Variants in CPM observed in about 807,000 individuals in gnomAD.
CPM encodes carboxypeptidase M.
CPM carries 35 observed loss-of-function variants against 46.4 expected under a neutral mutation model. That is an observed-to-expected ratio of 0.75 (90% CI 0.58 to 1.00). The LOEUF is 1.00. Among genes scored for constraint, CPM ranks in the 50% least tolerant of loss-of-function variants. The pLI is 0.00. For synonymous variants in CPM, 195 were observed against 195.3 expected (o/e 1.00, Z 0.01); for missense variants, 422 against 530.4 (o/e 0.80, Z 2.01).
chr12:68,903,519 A>T (rs970686124), intron 2 of CPM, among the ~76,000 whole-genome samples: 4 of 152,216 alleles, frequency 2.6e-5, no homozygotes, highest in African/African-American at 9.7e-5. Flanking sequence ...ATCAGCTCCT[A>T]CCTTAAAATG....
intron 1 of CPM, among the ~76,000 whole-genome samples, chr12:68,950,973 A>G (rs1287167316): frequency 6.6e-6 from 1 of 152,214 alleles, no homozygotes; most frequent in African/African-American, 2.4e-5. Context: ...TAGAGCTTTT[A>G]ATGATCTCCC....
At chr12:68,882,581 T>C (rs897990143) in intron 3 of CPM, among the ~76,000 whole-genome samples, 3 of 152,180 alleles carry the variant, frequency 2.0e-5, no homozygotes, top group East Asian at 1.9e-4. Context: ...TGGGTATATA[T>C]TGGGATTGCT....
At chr12:68,897,518 A>C (rs1886924400) in intron 2 of CPM, among the ~76,000 whole-genome samples, 1 of 152,130 alleles carries the variant, frequency 6.6e-6, no homozygotes, top group African/African-American at 2.4e-5. Flanking sequence ...TGGGCAGATC[A>C]CAAGGTCAGG....
In CPM at chr12:68,862,300, G is replaced by T. The variant is rs1221402941; in HGVS notation, c.941-3229C>A. 5.8e-5 allele frequency among the ~76,000 whole-genome samples: 8 copies of T among 138,798 alleles called. No individual in the cohort carries two copies. The South Asian group carries it at 1.6e-3, about 27-fold the overall frequency. The allele number at this position is 138,798 out of a possible 152,430, so 91.1% of individuals were successfully genotyped here. ...CCCAGGCTGGAGTGCAGTGGCACCAGTTCGGCTCACTGCAACTTTCATCTC... is the reference window on the plus strand; with the variant it reads ...CCCAGGCTGGAGTGCAGTGGCACCATTTCGGCTCACTGCAACTTTCATCTC... On this transcript the variant is annotated intron_variant, in intron 7 of 8. Transcript: ENST00000551568.
At chr12:68,937,365 A>G (rs1888688733), upstream of CPM, among the ~76,000 whole-genome samples, 2 of 152,156 alleles carry the variant, frequency 1.3e-5, no homozygotes, top group African/African-American at 4.8e-5. Context: ...ATCTTGAGAC[A>G]TTTTTGATTG....
rs1445983477 is a variant in CPM, at chr12:68,922,120, ACT to A, written c.160+10556_160+10557del. On this transcript the variant is annotated intron_variant, in intron 2 of 8. Coordinates refer to ENST00000551568, the MANE Select transcript of CPM (RefSeq NM_198320.5). ...AGAAGAGGTGTGGAAGGAGATTCTG[ACT>A]CTGCCCAGGGAATAGAAAAAGGCTT... Among the ~76,000 whole-genome samples the A allele has an allele frequency of 1.2e-4, 18 of 152,246 alleles. No individual in the cohort carries two copies. In the South Asian group the frequency reaches 3.5e-3, roughly 30 times the overall value.
chr12:68,849,721 G>T (rs1884573494), downstream of CPM: 1 of 149,170 alleles, frequency 6.7e-6, no homozygotes, highest in Non-Finnish European at 1.5e-5. Context: ...CTCGTGATCT[G>T]CCTGCCTCGG....
chr12:68,942,562 T>G (rs576487699), intron 1 of CPM, among the ~76,000 whole-genome samples: 3 of 152,354 alleles, frequency 2.0e-5, no homozygotes, highest in Admixed American at 6.5e-5. Flanking sequence ...ATTCATTTCC[T>G]TATCAATTAT....
intron 2 of CPM, among the ~76,000 whole-genome samples, chr12:68,909,827 G>A (rs575658550): frequency 5.5e-5 from 8 of 144,722 alleles, no homozygotes; most frequent in South Asian, 2.3e-4. Context: ...ACACACTGGG[G>A]CCTGTTGGGG....
At chr12:68,961,936 C>T (rs1407202586) in intron 1 of CPM, among the ~76,000 whole-genome samples, 2 of 151,952 alleles carry the variant, frequency 1.3e-5, no homozygotes, top group African/African-American at 2.4e-5. Flanking sequence ...CGTGGTGGCT[C>T]ATGTCTGTAA....
chr12:68,886,985 T>A (rs1225735844), intron 2 of CPM, among the ~76,000 whole-genome samples: 2 of 152,092 alleles, frequency 1.3e-5, no homozygotes, highest in African/African-American at 4.8e-5. Context: ...AAAAAACTGA[T>A]CTTCAAAAAT....
In CPM at chr12:68,854,761, T is replaced by A. The variant is rs2136210449; in HGVS notation, c.*1676A>T. 1 of 152,500 alleles carries A rather than the reference T, an allele frequency of 6.6e-6. No homozygotes were observed. The highest frequency in any genetic ancestry group is 1.9e-4 in the East Asian group (1 of 5,194). The allele number at this position is 152,500 out of a possible 1,614,324, so 9.4% of individuals were successfully genotyped here. On this transcript the variant is annotated 3_prime_UTR_variant, in exon 9 of 9. Transcript: ENST00000551568. ...GAGAAGGCTGGGAGCAAGGGACCAG[T>A]AAGCTGTTGCAGCAGTGCAGGTGAG...
intron 7 of CPM, among the ~76,000 whole-genome samples, chr12:68,863,069 G>A (rs993324876): frequency 1.3e-5 from 2 of 152,130 alleles, no homozygotes; most frequent in Non-Finnish European, 2.9e-5. Flanking sequence ...ATTTAGAGTC[G>A]GAGCTGGGAC....
chr12:68,859,759 T>G (rs1885128897), intron 7 of CPM, among the ~76,000 whole-genome samples: 1 of 152,208 alleles, frequency 6.6e-6, no homozygotes. Flanking sequence ...GCCAACGAAG[T>G]GGCCCAGCCT....
At chr12:68,886,460 G>A (rs561544057) in intron 2 of CPM, among the ~76,000 whole-genome samples, 1 of 152,016 alleles carries the variant, frequency 6.6e-6, no homozygotes, top group African/African-American at 2.4e-5. Flanking sequence ...GTGAAATCCC[G>A]TCTCTACTAA....
At chr12:68,881,189 A>G (rs367566123) in intron 3 of CPM, among the ~76,000 whole-genome samples, 75 of 152,354 alleles carry the variant, frequency 4.9e-4, no homozygotes, top group African/African-American at 1.6e-3. Context: ...TAAGATGTGT[A>G]TTAGCCACAT....
intron 2 of CPM, among the ~76,000 whole-genome samples, chr12:68,932,450 G>A (rs985900734): frequency 6.6e-6 from 1 of 152,210 alleles, no homozygotes; most frequent in African/African-American, 2.4e-5. Flanking sequence ...ATAATGGAAA[G>A]GACTCAGTGA....
chr12:68,863,372 A>G (rs1240605603), intron 7 of CPM, among the ~76,000 whole-genome samples: 1 of 152,176 alleles, frequency 6.6e-6, no homozygotes, highest in Non-Finnish European at 1.5e-5. Flanking sequence ...GGGACAAGCA[A>G]GACATTTTAA....
chr12:68,884,793 G>A (rs1886360533), intron 3 of CPM, among the ~76,000 whole-genome samples: 1 of 152,150 alleles, frequency 6.6e-6, no homozygotes, highest in African/African-American at 2.4e-5. Flanking sequence ...AGCAAGGTGA[G>A]AAACAGAGGT....
Sources: gnomAD v4.1 joint callset for allele counts (sites outside exome capture counted in the v4.1 genomes callset) on GRCh38, gnomAD v4.1.1 for gene constraint, MANE v1.5 for transcripts, NCBI Gene and HGNC (gene_info 2026-07-23, HGNC 2026-07-21) for gene names.